Variants in SHISA6 observed in about 807,000 individuals in gnomAD.
SHISA6 encodes protein shisa-6.
In SHISA6, 22 loss-of-function variants were observed where a neutral mutation model predicts 47.9. That is an observed-to-expected ratio of 0.46 (90% CI 0.33 to 0.66). The LOEUF (loss-of-function observed/expected upper bound fraction) is 0.66, where lower values mean the gene tolerates loss of function less well. Among genes scored for constraint, SHISA6 ranks in the 30% least tolerant of loss-of-function variants. The pLI is 0.02. For missense variants in SHISA6, 680 were observed against 764.6 expected (o/e 0.89, Z 1.30); for synonymous variants, 388 against 337.8 (o/e 1.15, Z -1.63).
chr17:11,382,244 A>T (rs902550128), intron 3 of SHISA6, among the ~76,000 whole-genome samples: 1 of 151,074 alleles, frequency 6.6e-6, no homozygotes, highest in African/African-American at 2.4e-5. Context: ...AGCTAATTTA[A>T]TTTTTTTTTA....
intron 2 of SHISA6, among the ~76,000 whole-genome samples, chr17:11,323,108 T>G (rs1274776216): frequency 6.6e-6 from 1 of 152,196 alleles, no homozygotes. Context: ...AGCAAGCAAG[T>G]TCACAAAAGA....
Position 11,271,108 on chromosome 17 carries a change from G to T in SHISA6, c.799+7582G>T, listed in dbSNP as rs189776456. Reference sequence around the variant, plus strand: ...TGTCAGGGAGAGAAGAGGCGGGAAGGGTGTGAAACAGGGTGTGCTCATCCT... The same window carrying T: ...TGTCAGGGAGAGAAGAGGCGGGAAGTGTGTGAAACAGGGTGTGCTCATCCT... On this transcript the variant is annotated intron_variant, in intron 2 of 5. Coordinates refer to ENST00000441885, the MANE Select transcript of SHISA6 (RefSeq NM_207386.4). Among the ~76,000 whole-genome samples the T allele has an allele frequency of 1.4e-3, 207 of 152,182 alleles. 1 individual carries two copies. Among genetic ancestry groups the T allele is most frequent in the African/African-American group, 4.8e-3 (200 of 41,510 alleles).
intron 2 of SHISA6, among the ~76,000 whole-genome samples, chr17:11,268,069 G>A (rs933027387): frequency 3.9e-5 from 6 of 152,154 alleles, no homozygotes; most frequent in Admixed American, 1.3e-4. Context: ...GGGAGAGTGG[G>A]GTGCCCATTC....
intron 2 of SHISA6, chr17:11,288,501 G>A (rs1005771455): frequency 6.6e-6 from 1 of 151,974 alleles, no homozygotes; most frequent in Non-Finnish European, 1.5e-5. Context: ...CTTGTAGTCT[G>A]CCTGTGAATA....
chr17:11,451,006 A>C (rs1488561701), intron 3 of SHISA6, among the ~76,000 whole-genome samples: 1 of 151,762 alleles, frequency 6.6e-6, no homozygotes, highest in Non-Finnish European at 1.5e-5. Flanking sequence ...AAAAAAAAAA[A>C]AAAAAAACAG....
chr17:11,464,380 T>C (rs1008016393), intron 3 of SHISA6, among the ~76,000 whole-genome samples: 18 of 152,110 alleles, frequency 1.2e-4, no homozygotes, highest in African/African-American at 3.6e-4. Context: ...TTCACATAGA[T>C]TCTGGGGGCT....
intron 1 of SHISA6, among the ~76,000 whole-genome samples, chr17:11,262,274 A>G (rs978772116): frequency 6.6e-6 from 1 of 152,168 alleles, no homozygotes; most frequent in African/African-American, 2.4e-5. Context: ...ACTCCTGGTA[A>G]GAGGGAAGCC....
In SHISA6 at chr17:11,241,235, G is replaced by C. The variant is rs1279574846; in HGVS notation, c.-188G>C. 1 of 165,508 alleles carries C rather than the reference G, an allele frequency of 6.0e-6. No individual in the cohort carries two copies. Among genetic ancestry groups the C allele is most frequent in the African/African-American group, 2.5e-5 (1 of 40,658 alleles). The allele number at this position is 165,508 out of a possible 1,614,324, so 10.3% of individuals were successfully genotyped here. On this transcript the variant is annotated 5_prime_UTR_variant, in exon 1 of 6. Coordinates refer to ENST00000441885, the MANE Select transcript of SHISA6 (RefSeq NM_207386.4). The surrounding 1 kb of genome is among the most constrained non-coding windows in gnomAD (Gnocchi z 5.5). ...CCTGAGAGCCCGAGCAGCCCGCGCC[G>C]GGCCGGTCCGTGCGCACCGCGCGCC...
chr17:11,347,022 GCTTAAGT>G (rs1169267401), intron 2 of SHISA6, among the ~76,000 whole-genome samples: 2 of 152,162 alleles, frequency 1.3e-5, no homozygotes, highest in Admixed American at 1.3e-4. Context: ...TGAGTCTGTA[GCTTAAGT>G]CATGCTATGT....
intron 2 of SHISA6, among the ~76,000 whole-genome samples, chr17:11,325,959 ACT>A (rs1567573594): frequency 1.3e-5 from 2 of 152,252 alleles, no homozygotes; most frequent in East Asian, 3.9e-4. Flanking sequence ...TGACTGGGTG[ACT>A]CTGCAATGCA....
chr17:11,471,697 T>C (rs1166486223), intron 3 of SHISA6, among the ~76,000 whole-genome samples: 2 of 152,196 alleles, frequency 1.3e-5, no homozygotes, highest in East Asian at 1.9e-4. Context: ...ATCTTTAGAC[T>C]AGGGACCGTG....
chr17:11,505,594 G>A (rs1039478269), intron 3 of SHISA6, among the ~76,000 whole-genome samples: 6 of 152,184 alleles, frequency 3.9e-5, no homozygotes, highest in African/African-American at 1.4e-4. Flanking sequence ...CAGGCTCAAG[G>A]GGCTTCCCAG....
At chr17:11,518,031 A>G (rs543308812) in intron 3 of SHISA6, among the ~76,000 whole-genome samples, 1 of 152,078 alleles carries the variant, frequency 6.6e-6, no homozygotes, top group East Asian at 1.9e-4. Flanking sequence ...TCCACCACCA[A>G]TAGAACTATG....
At chr17:11,468,340 G>T (rs572741898) in intron 3 of SHISA6, among the ~76,000 whole-genome samples, 17 of 152,130 alleles carry the variant, frequency 1.1e-4, no homozygotes, top group African/African-American at 4.1e-4. Context: ...GATACAGATG[G>T]CTGTACAGAG....
intron 3 of SHISA6, among the ~76,000 whole-genome samples, chr17:11,401,743 G>T (rs185239485): frequency 6.6e-6 from 1 of 152,132 alleles, no homozygotes; most frequent in Non-Finnish European, 1.5e-5. Context: ...CCTCCATGTG[G>T]TACCTCAGAA....
At chr17:11,401,000 T>G (rs1381831409) in intron 3 of SHISA6, among the ~76,000 whole-genome samples, 1 of 152,348 alleles carries the variant, frequency 6.6e-6, no homozygotes, top group East Asian at 1.9e-4. Flanking sequence ...TGTTTGTTGC[T>G]TTATAATGTT....
chr17:11,377,714 T>C (rs999409448), intron 2 of SHISA6, among the ~76,000 whole-genome samples: 6 of 152,144 alleles, frequency 3.9e-5, no homozygotes, highest in Non-Finnish European at 8.8e-5. Context: ...GAGGTTTTCA[T>C]TGAAGTCACC....
intron 3 of SHISA6, among the ~76,000 whole-genome samples, chr17:11,395,330 T>C (rs1225663379): frequency 1.3e-5 from 2 of 152,090 alleles, no homozygotes; most frequent in South Asian, 4.1e-4. Flanking sequence ...TCATCATTGC[T>C]GTCTGTAAAT....
At chr17:11,465,695 T>C (rs1225789128) in intron 3 of SHISA6, among the ~76,000 whole-genome samples, 1 of 152,142 alleles carries the variant, frequency 6.6e-6, no homozygotes, top group East Asian at 1.9e-4. Context: ...ATCTCACTCT[T>C]CCCATCCACT....
Sources: allele counts gnomAD v4.1 joint callset (sites outside exome capture counted in the v4.1 genomes callset), GRCh38; gene constraint gnomAD v4.1.1; non-coding constraint Gnocchi (gnomAD v3.1); transcripts MANE v1.5; gene names NCBI Gene and HGNC (gene_info 2026-07-23, HGNC 2026-07-21).